PELI2: variants seen among roughly 807,000 people sequenced by gnomAD.
PELI2 encodes E3 ubiquitin-protein ligase pellino homolog 2.
In PELI2, 23 loss-of-function variants were observed where a neutral mutation model predicts 42.3. The ratio of observed to expected loss-of-function variants is 0.54; its 90% CI spans 0.39 to 0.77. The LOEUF is 0.77. Ranked by LOEUF, PELI2 falls within the 30% of genes least tolerant of loss-of-function variation. PELI2 has a pLI of 0.00. For synonymous variants in PELI2, 245 were observed against 212.2 expected (o/e 1.15, Z -1.34); for missense variants, 463 against 553.2 (o/e 0.84, Z 1.64).
At chr14:56,256,991 G>T (rs1484075017) in intron 2 of PELI2, among the ~76,000 whole-genome samples, 1 of 152,054 alleles carries the variant, frequency 6.6e-6, no homozygotes, top group Non-Finnish European at 1.5e-5. Context: ...AGTTTATACT[G>T]TTATTTTTCT....
At chr14:56,119,816 C>T (rs1339437470) in intron 1 of PELI2, 1 of 984,932 alleles carries the variant, frequency 1.0e-6, no homozygotes, top group Non-Finnish European at 1.2e-6. Flanking sequence ...CGCTTTTGTC[C>T]TTCTGCGTTG....
chr14:56,200,960 A>G (rs1358047668), intron 2 of PELI2, among the ~76,000 whole-genome samples: 1 of 152,184 alleles, frequency 6.6e-6, no homozygotes, highest in Non-Finnish European at 1.5e-5. Flanking sequence ...CTTCTTTTTA[A>G]ATAAGAAAGT....
chr14:56,235,335 A>C (rs1341751478), intron 2 of PELI2, among the ~76,000 whole-genome samples: 2 of 152,230 alleles, frequency 1.3e-5, no homozygotes, highest in African/African-American at 4.8e-5. Flanking sequence ...TATCCCCCCA[A>C]AATTTGGGGA....
chr14:56,272,231 A>T (rs1272887766), intron 2 of PELI2, among the ~76,000 whole-genome samples: 1 of 152,244 alleles, frequency 6.6e-6, no homozygotes, highest in Non-Finnish European at 1.5e-5. Context: ...GACAAGAGGG[A>T]TATTAAACTC....
At chr14:56,252,837 C>T in intron 2 of PELI2, among the ~76,000 whole-genome samples, 1 of 152,180 alleles carries the variant, frequency 6.6e-6, no homozygotes, top group South Asian at 2.1e-4. Context: ...AAAAGAGGGA[C>T]TCCTCCTCAA....
chr14:56,186,523 T>C lies in PELI2; in HGVS notation c.207+8059T>C, dbSNP rs571960594. 3.3e-5 allele frequency among the ~76,000 whole-genome samples: 5 copies of C among 152,350 alleles called. No individual in the cohort carries two copies. In the South Asian group the frequency reaches 8.3e-4, roughly 25 times the overall value. On this transcript the variant is annotated intron_variant, in intron 2 of 5. Coordinates refer to ENST00000267460, the MANE Select transcript of PELI2 (RefSeq NM_021255.3). ...TGTTATAACCACAAGAGAAAACTTA[T>C]ACATACTATTTTATGGAAAATCAAA...
chr14:56,257,689 C>G (rs1888571131), intron 2 of PELI2, among the ~76,000 whole-genome samples: 1 of 152,120 alleles, frequency 6.6e-6, no homozygotes, highest in Non-Finnish European at 1.5e-5. Context: ...TGACTGGTTG[C>G]AGACAACAGG....
At chr14:56,129,444 G>A (rs936515109) in intron 1 of PELI2, among the ~76,000 whole-genome samples, 8 of 152,216 alleles carry the variant, frequency 5.3e-5, no homozygotes, top group African/African-American at 1.7e-4. Context: ...ACCAGTGAAT[G>A]TTTTGGGGTT....
intron 1 of PELI2, among the ~76,000 whole-genome samples, chr14:56,137,200 C>CTTTTTTTTTTTTTTTT (rs33928658): frequency 6.7e-6 from 1 of 149,564 alleles, no homozygotes. Flanking sequence ...CCATAGTAAC[C>CTTTTTTTTTTTTTTTT]TTTTTTTTTT....
intron 1 of PELI2, among the ~76,000 whole-genome samples, chr14:56,135,391 A>G (rs1883648500): frequency 6.6e-6 from 1 of 152,214 alleles, no homozygotes; most frequent in Non-Finnish European, 1.5e-5. Flanking sequence ...TTTGCCTTGT[A>G]GATTTTCTTA....
intron 2 of PELI2, among the ~76,000 whole-genome samples, chr14:56,274,072 A>G (rs1414856007): frequency 6.6e-6 from 1 of 152,206 alleles, no homozygotes; most frequent in Non-Finnish European, 1.5e-5. Flanking sequence ...GCTCCACACC[A>G]GATGTCTCCT....
At chr14:56,210,900 C>T (rs1886690154) in intron 2 of PELI2, among the ~76,000 whole-genome samples, 1 of 152,114 alleles carries the variant, frequency 6.6e-6, no homozygotes, top group South Asian at 2.1e-4. Flanking sequence ...AAAAGAGAAT[C>T]CTCTTTTCTC....
chr14:56,256,473 A>G (rs1021074930), intron 2 of PELI2, among the ~76,000 whole-genome samples: 1 of 152,114 alleles, frequency 6.6e-6, no homozygotes, highest in Non-Finnish European at 1.5e-5. Flanking sequence ...AAAAAATACC[A>G]TTAACTTCAA....
chr14:56,227,871 T>C (rs4901658), intron 2 of PELI2, among the ~76,000 whole-genome samples: 1 of 151,604 alleles, frequency 6.6e-6, no homozygotes, highest in African/African-American at 2.4e-5. Context: ...ATAAGCCAGA[T>C]TGAAGGAGTT....
At chr14:56,198,750 T>C (rs924564537) in intron 2 of PELI2, among the ~76,000 whole-genome samples, 33 of 152,290 alleles carry the variant, frequency 2.2e-4, no homozygotes, top group Non-Finnish European at 1.3e-4. Flanking sequence ...AGCATGCTTA[T>C]ATGCTGATGG....
chr14:56,187,015 G>A (rs1297312785), intron 2 of PELI2, among the ~76,000 whole-genome samples: 5 of 152,098 alleles, frequency 3.3e-5, no homozygotes, highest in Non-Finnish European at 7.4e-5. Flanking sequence ...ATTAAAGTTC[G>A]AAGGAACTTT....
chr14:56,257,216 T>C (rs1888556755), intron 2 of PELI2, among the ~76,000 whole-genome samples: 1 of 152,198 alleles, frequency 6.6e-6, no homozygotes, highest in African/African-American at 2.4e-5. Flanking sequence ...GGAAATGTTC[T>C]AGGTATTGGA....
chr14:56,211,607 T>G (rs1886714557), intron 2 of PELI2, among the ~76,000 whole-genome samples: 1 of 152,218 alleles, frequency 6.6e-6, no homozygotes, highest in Non-Finnish European at 1.5e-5. Context: ...GTGCAAAATA[T>G]ATATTTTTGG....
At chr14:56,196,726 TTC>T (rs1886145451) in intron 2 of PELI2, among the ~76,000 whole-genome samples, 1 of 152,258 alleles carries the variant, frequency 6.6e-6, no homozygotes, top group Non-Finnish European at 1.5e-5. Context: ...ATCTGTTAAT[TTC>T]CTGACATTTA....
Sources: allele counts gnomAD v4.1 joint callset (sites outside exome capture counted in the v4.1 genomes callset), GRCh38; gene constraint gnomAD v4.1.1; transcripts MANE v1.5; gene names NCBI Gene and HGNC (gene_info 2026-07-23, HGNC 2026-07-21).